NCKAP5: variants seen among roughly 807,000 people sequenced by gnomAD.
NCKAP5 encodes the protein nck-associated protein 5.
A neutral mutation model predicts 167.0 loss-of-function variants in NCKAP5; 92 were observed. The observed-to-expected ratio is 0.55, with a 90% CI of 0.47 to 0.66. The LOEUF (loss-of-function observed/expected upper bound fraction) is 0.66. NCKAP5 is among the 30% of genes least tolerant of loss of function. The pLI, the probability that NCKAP5 is intolerant of heterozygous loss-of-function variation, is 0.00. For synonymous variants in NCKAP5, 891 were observed against 877.4 expected (o/e 1.02, Z -0.27); for missense variants, 2,378 against 2,315.0 (o/e 1.03, Z -0.56).
the NCKAP5 span, among the ~76,000 whole-genome samples, chr2:133,669,878 C>T: frequency 2.0e-5 from 3 of 152,164 alleles, no homozygotes; most frequent in Admixed American, 1.3e-4. Context: ...TGCTGATATT[C>T]AGCAACCTTC....
chr2:133,442,586 T>C (rs1306234283), intron 3 of NCKAP5, among the ~76,000 whole-genome samples: 6 of 148,026 alleles, frequency 4.1e-5, no homozygotes, highest in African/African-American at 7.5e-5. Flanking sequence ...TGCCTCCTAA[T>C]TGATGGTTCC....
chr2:133,366,584 G>A (rs1248101784), intron 3 of NCKAP5, among the ~76,000 whole-genome samples: 1 of 152,122 alleles, frequency 6.6e-6, no homozygotes, highest in Non-Finnish European at 1.5e-5. Flanking sequence ...TTACAGGCGT[G>A]AGTTACTGCA....
intron 3 of NCKAP5, among the ~76,000 whole-genome samples, chr2:133,311,053 A>C (rs561191619): frequency 3.4e-4 from 52 of 152,118 alleles, no homozygotes; most frequent in African/African-American, 1.1e-3. Flanking sequence ...CTAAAATTTA[A>C]CTCAATTCTG....
At chr2:133,113,626 T>G (rs1456074985) in intron 6 of NCKAP5, among the ~76,000 whole-genome samples, 1 of 152,188 alleles carries the variant, frequency 6.6e-6, no homozygotes, top group Non-Finnish European at 1.5e-5. Flanking sequence ...CTCTGCCTCA[T>G]GATGTTCAGG....
chr2:133,647,594 GGAGA>G, the NCKAP5 span, among the ~76,000 whole-genome samples: 13 of 137,782 alleles, frequency 9.4e-5, no homozygotes, highest in East Asian at 4.4e-4. Context: ...ATATAGAGAG[GGAGA>G]GAGAGAGAGA....
chr2:133,651,157 A>T, the NCKAP5 span, among the ~76,000 whole-genome samples: 1 of 152,216 alleles, frequency 6.6e-6, no homozygotes. Flanking sequence ...AACAATAATA[A>T]AAATAGACAA....
chr2:133,449,927 C>T (rs985974977), intron 3 of NCKAP5, among the ~76,000 whole-genome samples: 4 of 151,880 alleles, frequency 2.6e-5, no homozygotes, highest in Non-Finnish European at 4.4e-5. Flanking sequence ...AACTACCTGC[C>T]AAATGTCTGT....
chr2:133,001,922 A>T (rs2077795053), intron 6 of NCKAP5, among the ~76,000 whole-genome samples: 2 of 152,212 alleles, frequency 1.3e-5, no homozygotes, highest in Non-Finnish European at 2.9e-5. Context: ...TACTACATTG[A>T]ATCCACATGA....
chr2:132,923,484 C>T (rs1042884684), intron 8 of NCKAP5, among the ~76,000 whole-genome samples: 5 of 152,112 alleles, frequency 3.3e-5, no homozygotes, highest in African/African-American at 1.2e-4. Context: ...TTTTCATTGT[C>T]TTATTTATAA....
chr2:132,889,045 C>T (rs1692469635), intron 8 of NCKAP5, among the ~76,000 whole-genome samples: 1 of 152,130 alleles, frequency 6.6e-6, no homozygotes, highest in East Asian at 1.9e-4. Flanking sequence ...ACCATGTAGG[C>T]AGTCTGAATG....
chr2:133,167,671 C>G (rs912491549), intron 5 of NCKAP5, among the ~76,000 whole-genome samples: 4 of 152,162 alleles, frequency 2.6e-5, no homozygotes, highest in African/African-American at 4.8e-5. Context: ...GCGTAGAACA[C>G]GGATTAGCTT....
chr2:133,474,146 A>G (rs1559511695), intron 3 of NCKAP5, among the ~76,000 whole-genome samples: 2 of 146,942 alleles, frequency 1.4e-5, no homozygotes, highest in African/African-American at 5.4e-5. Flanking sequence ...CTATCTATCT[A>G]TCTATCTATA....
At chr2:133,019,401 A>G (rs1318658509) in intron 6 of NCKAP5, among the ~76,000 whole-genome samples, 1 of 152,136 alleles carries the variant, frequency 6.6e-6, no homozygotes, top group Non-Finnish European at 1.5e-5. Flanking sequence ...GAAGGAAGGA[A>G]AAGTGGGGAA....
intron 4 of NCKAP5, among the ~76,000 whole-genome samples, chr2:133,233,315 T>C (rs2087241199): frequency 6.6e-6 from 1 of 152,192 alleles, no homozygotes; most frequent in Non-Finnish European, 1.5e-5. Context: ...AAACACTACT[T>C]TGGTCATTGA....
intron 3 of NCKAP5, among the ~76,000 whole-genome samples, chr2:133,387,196 T>C (rs1687044732): frequency 6.6e-6 from 1 of 152,182 alleles, no homozygotes; most frequent in South Asian, 2.1e-4. Context: ...GTTGTTCCTT[T>C]CCATGTTTAG....
In NCKAP5 at chr2:132,901,991, T is replaced by C. The variant is rs146378156; in HGVS notation, c.580-23075A>G. 6.6e-5 allele frequency among the ~76,000 whole-genome samples: 10 copies of C among 152,362 alleles called. No homozygotes were observed. The East Asian group carries it at 1.9e-3, about 29-fold the overall frequency. ...AAAGGTTCTCATTTTCTATTAGCTT[T>C]TGTGCTACTAGTTTCACAGCATTTG... On this transcript the variant is annotated intron_variant, in intron 8 of 19. Coordinates refer to ENST00000409261, the MANE Select transcript of NCKAP5 (RefSeq NM_207363.3).
intron 5 of NCKAP5, among the ~76,000 whole-genome samples, chr2:133,174,158 G>A (rs1334065053): frequency 1.3e-5 from 2 of 152,104 alleles, no homozygotes; most frequent in African/African-American, 4.8e-5. Context: ...TGTAGCAGTT[G>A]CCAAGTCTTT....
At chr2:133,390,132 T>C (rs115436859) in intron 3 of NCKAP5, among the ~76,000 whole-genome samples, 1,644 of 152,322 alleles carry the variant, frequency 0.011, 38 homozygotes, top group African/African-American at 0.038. Context: ...CTGTGTCCCA[T>C]GGGCCATTCC....
At chr2:133,561,854 A>C (rs1455375961) in intron 1 of NCKAP5, among the ~76,000 whole-genome samples, 2 of 152,214 alleles carry the variant, frequency 1.3e-5, no homozygotes, top group Non-Finnish European at 2.9e-5. Flanking sequence ...AACTTCAGCT[A>C]TAGGGTCTTA....
Sources: allele counts gnomAD v4.1 joint callset (sites outside exome capture counted in the v4.1 genomes callset), GRCh38; gene constraint gnomAD v4.1.1; transcripts MANE v1.5; gene names NCBI Gene and HGNC (gene_info 2026-07-23, HGNC 2026-07-21).